The following CHRM5 variants were observed in gnomAD, a reference collection of about 807,000 sequenced individuals.
CHRM5 encodes the protein muscarinic acetylcholine receptor M5.
A neutral mutation model predicts 39.0 loss-of-function variants in CHRM5; 18 were observed. That is an observed-to-expected ratio of 0.46 (90% CI 0.32 to 0.68). The LOEUF is 0.68. CHRM5 is among the 30% of genes least tolerant of loss of function. The pLI is 0.04. For missense variants in CHRM5, 515 were observed against 651.1 expected (o/e 0.79, Z 2.28); for synonymous variants, 241 against 246.3 (o/e 0.98, Z 0.20).
intron 1 of CHRM5, among the ~76,000 whole-genome samples, chr15:34,004,903 C>A (rs1439365347): frequency 1.3e-5 from 2 of 151,722 alleles, no homozygotes; most frequent in Non-Finnish European, 2.9e-5. Flanking sequence ...TTACAAAATC[C>A]TTATCAAGAA....
chr15:34,049,293 G>A (rs1163605636), intron 2 of CHRM5, among the ~76,000 whole-genome samples: 1 of 152,126 alleles, frequency 6.6e-6, no homozygotes, highest in African/African-American at 2.4e-5. Context: ...CAATGCAAGG[G>A]AGCTATGAAT....
At chr15:33,979,902 G>A (rs997102109) in intron 1 of CHRM5, among the ~76,000 whole-genome samples, 3 of 152,280 alleles carry the variant, frequency 2.0e-5, no homozygotes, top group African/African-American at 7.2e-5. Context: ...AGAGATTCAA[G>A]ATTGGTATTA....
At chr15:34,012,551 A>T (rs1005164516) in intron 1 of CHRM5, among the ~76,000 whole-genome samples, 1 of 152,120 alleles carries the variant, frequency 6.6e-6, no homozygotes, top group African/African-American at 2.4e-5. Context: ...TAATGCTGCA[A>T]ATGGCCAGAT....
At chr15:34,007,948 G>C (rs1217681404) in intron 1 of CHRM5, among the ~76,000 whole-genome samples, 1 of 152,158 alleles carries the variant, frequency 6.6e-6, no homozygotes, top group Non-Finnish European at 1.5e-5. Flanking sequence ...ATGAGGACAT[G>C]AGTTATACTG....
chr15:34,015,707 A>G (rs1897870683), intron 1 of CHRM5, among the ~76,000 whole-genome samples: 1 of 152,180 alleles, frequency 6.6e-6, no homozygotes, highest in Non-Finnish European at 1.5e-5. Context: ...CTAACAGACA[A>G]AAAGGTAAAC....
intron 1 of CHRM5, among the ~76,000 whole-genome samples, chr15:33,973,450 C>T (rs1225829297): frequency 6.6e-6 from 1 of 152,200 alleles, no homozygotes; most frequent in Non-Finnish European, 1.5e-5. Context: ...CATGCAGTAA[C>T]TTCTGGGTAA....
At position 34,023,118 on chromosome 15, in the gene CHRM5, C is replaced by T. The variant is rs79477724; in HGVS notation, c.-407-23422C>T. Among the ~76,000 whole-genome samples the T allele has an allele frequency of 6.0e-3, 908 of 152,172 alleles. 20 individuals carry two copies. Among genetic ancestry groups the T allele is most frequent in the Admixed American group, 0.043 (658 of 15,280 alleles). ...AGAACTGCTTGAACCCAGGCAGAGG[C>T]TGCAGTGAACTGAGATCGCGCCACT... On this transcript the variant is annotated intron_variant, in intron 1 of 2. Transcript: ENST00000383263.
intron 1 of CHRM5, among the ~76,000 whole-genome samples, chr15:34,008,412 C>CGT (rs1279992239): frequency 2.0e-5 from 3 of 149,360 alleles, no homozygotes; most frequent in Non-Finnish European, 3.0e-5. Context: ...AGAGCAAGAC[C>CGT]GTGTCTCTTA....
At chr15:33,989,590 C>T (rs1896630729) in intron 1 of CHRM5, among the ~76,000 whole-genome samples, 1 of 152,080 alleles carries the variant, frequency 6.6e-6, no homozygotes, top group South Asian at 2.1e-4. Flanking sequence ...TTTCCTACCA[C>T]AATACTAACA....
chr15:33,972,598 G>A (rs1227424565), intron 1 of CHRM5: 2 of 152,144 alleles, frequency 1.3e-5, no homozygotes, highest in African/African-American at 4.8e-5. Context: ...TTCTCTGAAA[G>A]TCTTCAACAA....
chr15:33,980,259 C>G (rs959245491), intron 1 of CHRM5, among the ~76,000 whole-genome samples: 3 of 142,772 alleles, frequency 2.1e-5, no homozygotes, highest in African/African-American at 7.4e-5. Context: ...GACATGCACA[C>G]TCCCACACAG....
Position 34,063,303 on chromosome 15 carries a change from G to C in CHRM5, c.586G>C (p.Gly196Arg). The change falls in exon 3 of 3, where the codon GGC becomes CGC. Residue 196 changes from glycine (G) to arginine (R), a missense_variant. By Grantham distance (125) the Gly-to-Arg change is moderately radical. Transcript: ENST00000383263. This position sits in a 1 kb window ranked among gnomAD's most constrained non-coding sequence, Gnocchi z 4.1. ...QFLSEPTITF[G>R]TAIAAFYIPV... Reference sequence around the variant, plus strand: ...TCTCTCTGAGCCCACCATCACTTTTGGCACTGCCATTGCTGCCTTCTACAT... The same window carrying C: ...TCTCTCTGAGCCCACCATCACTTTTCGCACTGCCATTGCTGCCTTCTACAT... 1 of 1,614,060 alleles carries C rather than the reference G, an allele frequency of 6.2e-7. No individual in the cohort carries two copies.
At position 33,986,866 on chromosome 15, in the gene CHRM5, C is replaced by A. The variant is rs571672691; in HGVS notation, c.-408+17716C>A. 2.2e-4 allele frequency among the ~76,000 whole-genome samples: 33 copies of A among 152,148 alleles called. No individual in the cohort carries two copies. The South Asian group carries it at 6.4e-3, about 30-fold the overall frequency. On this transcript the variant is annotated intron_variant, in intron 1 of 2. Transcript: ENST00000383263. ...TAGAGATGGGGTTTCACCATGTTAG[C>A]CAGGATGGTCTCGATCTCCTGACCT...
chr15:33,999,359 C>T (rs1030859393), intron 1 of CHRM5, among the ~76,000 whole-genome samples: 1 of 152,188 alleles, frequency 6.6e-6, no homozygotes, highest in African/African-American at 2.4e-5. Context: ...TACCTCAGTG[C>T]TTTCATTAGA....
intron 1 of CHRM5, among the ~76,000 whole-genome samples, chr15:33,988,045 A>AG (rs1396113268): frequency 6.6e-6 from 1 of 152,244 alleles, no homozygotes; most frequent in Non-Finnish European, 1.5e-5. Context: ...GGAGCCTCAC[A>AG]GTGCAGTGCC....
At chr15:34,018,033 CAAT>C (rs1898022878) in intron 1 of CHRM5, among the ~76,000 whole-genome samples, 1 of 152,168 alleles carries the variant, frequency 6.6e-6, no homozygotes, top group Admixed American at 6.5e-5. Context: ...ATAATACTGA[CAAT>C]GATACTAAAT....
intron 2 of CHRM5, among the ~76,000 whole-genome samples, chr15:34,059,642 C>A (rs1900271803): frequency 6.6e-6 from 1 of 152,140 alleles, no homozygotes; most frequent in South Asian, 2.1e-4. Context: ...CCTCTTTTGC[C>A]TCTGGGCTTA....
Position 34,064,433 on chromosome 15 carries a change from A to T in CHRM5, c.*117A>T. 2.3e-6 allele frequency: 3 copies of T among 1,290,938 alleles called. No individual in the cohort carries two copies. The East Asian group carries it at 7.6e-5, about 33-fold the overall frequency. The allele number at this position is 1,290,938 out of a possible 1,614,324, so 80.0% of individuals were successfully genotyped here. A position where few individuals can be genotyped will look rare whatever the true frequency, so the allele number is the denominator to read the frequency against. ...GAAGACATCTCATTTTGAGTCCTTG[A>T]AGATTTTTGTAAAGGCTCAAGTTTG... On this transcript the variant is annotated 3_prime_UTR_variant, in exon 3 of 3. Transcript: ENST00000383263.
intron 1 of CHRM5, among the ~76,000 whole-genome samples, chr15:34,026,568 AT>A (rs961513285): frequency 1.2e-4 from 18 of 152,144 alleles, no homozygotes; most frequent in African/African-American, 4.1e-4. Flanking sequence ...GTAGTAAAAA[AT>A]ATAAACTATA....
Sources: gnomAD v4.1 joint callset for allele counts (sites outside exome capture counted in the v4.1 genomes callset) on GRCh38, gnomAD v4.1.1 for gene constraint, Gnocchi (gnomAD v3.1) non-coding constraint, MANE v1.5 for transcripts, NCBI Gene and HGNC (gene_info 2026-07-23, HGNC 2026-07-21) for gene names.